The following HBP1 variants were observed in gnomAD, a reference collection of about 807,000 sequenced individuals.
The protein encoded by HBP1 is HMG-box transcription factor 1, also known as HMG box-containing protein 1.
Under a neutral mutation model 62.6 loss-of-function variants are expected in HBP1, and 20 were observed. The observed-to-expected ratio is 0.32, with a 90% CI of 0.22 to 0.46. The LOEUF (loss-of-function observed/expected upper bound fraction) is 0.46, where lower values mean the gene tolerates loss of function less well. HBP1 is among the 20% of genes least tolerant of loss of function. HBP1 has a pLI of 1.00. For missense variants in HBP1, 480 were observed against 611.8 expected (o/e 0.78, Z 2.27); for synonymous variants, 232 against 206.2 (o/e 1.12, Z -1.07).
intron 4 of HBP1, 85 bp from the exon 5 acceptor site, chr7:107,186,276 G>C: frequency 1.3e-6 from 1 of 779,328 alleles, no homozygotes; most frequent in South Asian, 1.8e-5. Flanking sequence ...CTATAAGCAT[G>C]GGCCTAAAGA....
At chr7:107,185,494 C>T (rs1230165040) in intron 3 of HBP1, among the ~76,000 whole-genome samples, 1 of 151,956 alleles carries the variant, frequency 6.6e-6, no homozygotes, top group Non-Finnish European at 1.5e-5. Flanking sequence ...TTATCATTCA[C>T]AAACGAAATA....
intron 5 of HBP1, 31 bp downstream of exon 5, chr7:107,186,503 AT>A (rs1289712772): frequency 1.3e-6 from 2 of 1,580,472 alleles, no homozygotes; most frequent in East Asian, 4.5e-5. Flanking sequence ...AAAACCTTGA[AT>A]TTTCCACAGC....
chr7:107,187,261 A>ATATATATTTTTTGTAATGT (rs1165313477), intron 6 of HBP1, among the ~76,000 whole-genome samples: 1 of 151,888 alleles, frequency 6.6e-6, no homozygotes, highest in African/African-American at 2.4e-5. Flanking sequence ...CAAAAAATAT[A>ATATATATTTTTTGTAATGT]TATATATTTA....
At chr7:107,186,243 G>A (rs1248855209) in intron 4 of HBP1, 118 bp from the exon 5 acceptor site, 5 of 596,894 alleles carry the variant, frequency 8.4e-6, no homozygotes, top group African/African-American at 1.9e-5. Flanking sequence ...TTTCCCTAAG[G>A]TTAGAATTAC....
chr7:107,190,706 GATATA>G (rs557170769), intron 8 of HBP1, among the ~76,000 whole-genome samples: 103 of 152,266 alleles, frequency 6.8e-4, no homozygotes, highest in South Asian at 1.0e-3. Flanking sequence ...TATTTTTCTT[GATATA>G]ATAGTTAACT....
chr7:107,180,197 C>A (rs534096150), intron 2 of HBP1, 135 bp downstream of exon 2: 16 of 502,376 alleles, frequency 3.2e-5, no homozygotes, highest in Non-Finnish European at 4.6e-5. Flanking sequence ...TTTCAGCATT[C>A]TTTTATTGCT....
intron 8 of HBP1, among the ~76,000 whole-genome samples, chr7:107,194,579 A>C (rs1797798243): frequency 6.6e-6 from 1 of 152,248 alleles, no homozygotes; most frequent in Non-Finnish European, 1.5e-5. Flanking sequence ...TACTGTGTGT[A>C]GTCAGTGGCA....
intron 1 of HBP1, chr7:107,169,804 C>T (rs1796465715): frequency 1.0e-6 from 1 of 980,754 alleles, no homozygotes; most frequent in Non-Finnish European, 1.2e-6. Flanking sequence ...GCTGCGGTCA[C>T]ATGATGGGGG....
In HBP1 at chr7:107,169,080, C is replaced by T; in HGVS notation, c.-121C>T. The T allele has an allele frequency of 7.8e-7, 1 of 1,286,892 alleles. No homozygotes were observed. Among genetic ancestry groups the T allele is most frequent in the Non-Finnish European group, 1.0e-6 (1 of 987,288 alleles). 79.7% of individuals were successfully genotyped at this position (1,286,892 alleles called of 1,614,324 possible). On this transcript the variant is annotated 5_prime_UTR_variant, in exon 1 of 11. Coordinates refer to ENST00000222574, the MANE Select transcript of HBP1 (RefSeq NM_012257.4). ...TAAGAGCTGCCGCGGGAGCAGTAACCCGCGCGGGGGAGGCCGACGTCGGTC... is the reference window on the plus strand; with the variant it reads ...TAAGAGCTGCCGCGGGAGCAGTAACTCGCGCGGGGGAGGCCGACGTCGGTC...
Position 107,171,071 on chromosome 7 carries a change from A to ATTTTTTTTTTTTTTTTTT in HBP1, c.-16+1887_-16+1888insTTTTTTTTTTTTTTTTTT, listed in dbSNP as rs1160740045. Among the ~76,000 whole-genome samples the ATTTTTTTTTTTTTTTTTT allele has an allele frequency of 1.4e-4, 12 of 84,300 alleles. 3 individuals carry two copies. The highest frequency in any genetic ancestry group is 9.0e-4 in the African/African-American group (11 of 12,244). 55.3% of individuals were successfully genotyped at this position (84,300 alleles called of 152,430 possible). ...AATATATATATATATATATATATAT[A>ATTTTTTTTTTTTTTTTTT]TATTTTTTTTTTTTTTTGAGAGGGA... On this transcript the variant is annotated intron_variant, in intron 1 of 10. Transcript: ENST00000222574.
At chr7:107,169,648 C>G in intron 1 of HBP1, 1 of 737,138 alleles carries the variant, frequency 1.4e-6, no homozygotes, top group East Asian at 1.3e-4. Context: ...CCGCCTCCTT[C>G]TGGACTGAGG....
chr7:107,189,573 A>C, intron 7 of HBP1, 125 bp downstream of exon 7: 1 of 664,050 alleles, frequency 1.5e-6, no homozygotes, highest in South Asian at 2.0e-5. Context: ...ACTAAATAAA[A>C]AACTACCATA....
chr7:107,199,574 C>A (rs1379868908), intron 9 of HBP1, among the ~76,000 whole-genome samples: 1 of 152,138 alleles, frequency 6.6e-6, no homozygotes, highest in Non-Finnish European at 1.5e-5. Context: ...ATTTCCAGGA[C>A]CTTATGTTTT....
At chr7:107,183,426 T>G (rs1010140003) in intron 3 of HBP1, among the ~76,000 whole-genome samples, 1 of 152,226 alleles carries the variant, frequency 6.6e-6, no homozygotes, top group Non-Finnish European at 1.5e-5. Flanking sequence ...TAAGTTGTGC[T>G]GCTTTTCTTA....
intron 9 of HBP1, chr7:107,196,374 T>A (rs1330042123): frequency 7.6e-6 from 4 of 524,230 alleles, no homozygotes; most frequent in Admixed American, 5.0e-5. Flanking sequence ...GTTCAAGTGA[T>A]TATCCTGCCT....
At position 107,201,724 on chromosome 7, in the gene HBP1, G is replaced by A. The variant is rs1798326058; in HGVS notation, c.*293G>A. 3.1e-6 allele frequency: 1 copy of A among 326,862 alleles called. No homozygotes were observed. Among genetic ancestry groups the A allele is most frequent in the South Asian group, 8.9e-5 (1 of 11,174 alleles). 20.2% of individuals were successfully genotyped at this position (326,862 alleles called of 1,614,324 possible). ...AAAATTGATATCCTGTGGTGCTAAA[G>A]TACAGTAGAAAGAGAGGAGAAGTGT... On this transcript the variant is annotated 3_prime_UTR_variant, in exon 11 of 11. Coordinates refer to ENST00000222574, the MANE Select transcript of HBP1 (RefSeq NM_012257.4).
Position 107,201,465 on chromosome 7 carries a change from CATATACATTGA to C in HBP1, c.*35_*45del. On this transcript the variant is annotated 3_prime_UTR_variant, in exon 11 of 11. Coordinates refer to ENST00000222574, the MANE Select transcript of HBP1 (RefSeq NM_012257.4). Reference sequence around the variant, plus strand: ...GCTTATGTTCTTAAGTCTATATTTGCATATACATTGACTCTTGATGGAAAGACTTAAGAAGA... The same window carrying C: ...GCTTATGTTCTTAAGTCTATATTTGCCTCTTGATGGAAAGACTTAAGAAGA... 3 of 1,394,490 alleles carry C rather than the reference CATATACATTGA, an allele frequency of 2.2e-6. No homozygotes were observed. Among genetic ancestry groups the C allele is most frequent in the Middle Eastern group, 1.8e-4 (1 of 5,620 alleles). The allele number at this position is 1,394,490 out of a possible 1,614,324, so 86.4% of individuals were successfully genotyped here. A position where few individuals can be genotyped will look rare whatever the true frequency, so the allele number is the denominator to read the frequency against.
At chr7:107,175,614 T>G in intron 1 of HBP1, among the ~76,000 whole-genome samples, 1 of 152,200 alleles carries the variant, frequency 6.6e-6, no homozygotes, top group East Asian at 1.9e-4. Context: ...GCCATCCTAC[T>G]TTGTGGTAAA....
chr7:107,171,087 T>TTTTTTTTTG (rs1796568117), intron 1 of HBP1, among the ~76,000 whole-genome samples: 1 of 133,794 alleles, frequency 7.5e-6, no homozygotes, highest in African/African-American at 3.0e-5. Flanking sequence ...TTTTTTTTTT[T>TTTTTTTTTG]TGAGAGGGAG....
Sources: gnomAD v4.1 joint callset for allele counts (sites outside exome capture counted in the v4.1 genomes callset) on GRCh38, gnomAD v4.1.1 for gene constraint, MANE v1.5 for transcripts, NCBI Gene and HGNC (gene_info 2026-07-23, HGNC 2026-07-21) for gene names.